The following LRRC37A2 variants were observed in gnomAD, a reference collection of about 807,000 sequenced individuals.
LRRC37A2 encodes leucine rich repeat containing 37 member A2.
Under a neutral mutation model 68.8 loss-of-function variants are expected in LRRC37A2, and 9 were observed. The observed-to-expected ratio is 0.13, with a 90% CI of 0.08 to 0.23. LRRC37A2 has a LOEUF of 0.23. LRRC37A2 is among the 10% of genes least tolerant of loss of function. The pLI, the probability that LRRC37A2 is intolerant of heterozygous loss-of-function variation, is 1.00. For missense variants in LRRC37A2, 168 were observed against 950.4 expected, an observed-to-expected ratio of 0.18 and a Z score of 10.82; for synonymous variants, 63 against 367.6, an observed-to-expected ratio of 0.17 and a Z score of 9.48.
chr17:46,992,216 A>AAATAAATAAATAAATAAATAAATAAATT, the LRRC37A2 span, among the ~76,000 whole-genome samples: 1 of 151,718 alleles, frequency 6.6e-6, no homozygotes, highest in Non-Finnish European at 1.5e-5. Flanking sequence ...ATAAATAAAT[A>AAATAAATAAATAAATAAATAAATAAATT]AATTAGCCAG....
the LRRC37A2 span, among the ~76,000 whole-genome samples, chr17:46,786,447 T>C: frequency 6.6e-6 from 1 of 152,130 alleles, no homozygotes; most frequent in Admixed American, 6.5e-5. Context: ...CAGAGGGGTG[T>C]CCAGAGACGG....
At chr17:46,792,966 G>C in the LRRC37A2 span, among the ~76,000 whole-genome samples, 1 of 151,916 alleles carries the variant, frequency 6.6e-6, no homozygotes, top group Non-Finnish European at 1.5e-5. Flanking sequence ...CACTGAGATG[G>C]CAAAAAAAGC....
the LRRC37A2 span, among the ~76,000 whole-genome samples, chr17:46,962,102 C>T: frequency 6.6e-5 from 10 of 152,194 alleles, no homozygotes. Flanking sequence ...CCGAGGCGGG[C>T]AGATCATGAA....
the LRRC37A2 span, among the ~76,000 whole-genome samples, chr17:46,976,343 G>A: frequency 6.6e-6 from 1 of 150,872 alleles, no homozygotes; most frequent in Non-Finnish European, 1.5e-5. Context: ...CACCAGCCTG[G>A]CCAACATGGT....
At chr17:46,442,158 G>C in the LRRC37A2 span, among the ~76,000 whole-genome samples, 1 of 81,912 alleles carries the variant, frequency 1.2e-5, no homozygotes. Flanking sequence ...CAGACAACAA[G>C]CCTTGCTAAA....
chr17:46,865,417 G>A, the LRRC37A2 span, among the ~76,000 whole-genome samples: 87 of 152,260 alleles, frequency 5.7e-4, no homozygotes, highest in African/African-American at 2.0e-3. Flanking sequence ...AGGGATGGGT[G>A]GGGGACGAGG....
the LRRC37A2 span, among the ~76,000 whole-genome samples, chr17:46,960,901 A>AT: frequency 3.2e-4 from 49 of 152,214 alleles, no homozygotes; most frequent in African/African-American, 1.2e-3. Flanking sequence ...GAGTATCTCG[A>AT]TTGTGTTCAT....
the LRRC37A2 span, among the ~76,000 whole-genome samples, chr17:46,386,153 C>T: frequency 8.3e-6 from 1 of 119,814 alleles, no homozygotes; most frequent in African/African-American, 2.8e-5. Flanking sequence ...GGCCGGAGTG[C>T]AGTAGTGTGA....
At chr17:46,486,963 G>A in the LRRC37A2 span, 4 of 568,514 alleles carry the variant, frequency 7.0e-6, no homozygotes, top group Non-Finnish European at 1.0e-5. Flanking sequence ...AAATCCTCAA[G>A]AGTTACGTTC....
the LRRC37A2 span, chr17:46,978,518 G>T: frequency 4.2e-6 from 5 of 1,184,642 alleles, no homozygotes; most frequent in Admixed American, 3.1e-5. Flanking sequence ...CCGCGTCCCC[G>T]CCCGGGCGCC....
chr17:46,759,077 G>T, the LRRC37A2 span, among the ~76,000 whole-genome samples: 170 of 152,274 alleles, frequency 1.1e-3, no homozygotes, highest in Middle Eastern at 6.8e-3. Flanking sequence ...GGTGGCACAT[G>T]CCTGTAATCT....
chr17:46,655,877 A>G, the LRRC37A2 span, among the ~76,000 whole-genome samples: 1 of 91,564 alleles, frequency 1.1e-5, no homozygotes, highest in Non-Finnish European at 2.0e-5. Context: ...AAAAGATCGA[A>G]CCCTTTTTTT....
At chr17:46,828,310 C>T in the LRRC37A2 span, among the ~76,000 whole-genome samples, 2 of 152,072 alleles carry the variant, frequency 1.3e-5, no homozygotes, top group Admixed American at 1.3e-4. Context: ...GATCCTCTCA[C>T]CTCAGCTTCC....
At chr17:46,816,119 A>ACACACGCACG in the LRRC37A2 span, among the ~76,000 whole-genome samples, 19,815 of 150,598 alleles carry the variant, frequency 0.13, 1,393 homozygotes, top group African/African-American at 0.15. Context: ...ACGTACACAC[A>ACACACGCACG]CACACACACA....
At chr17:46,944,789 G>A in the LRRC37A2 span, among the ~76,000 whole-genome samples, 1 of 151,940 alleles carries the variant, frequency 6.6e-6, no homozygotes, top group African/African-American at 2.4e-5. Flanking sequence ...TAGTAGAAAC[G>A]GGGTTTCTCC....
the LRRC37A2 span, among the ~76,000 whole-genome samples, chr17:46,733,167 C>T: frequency 1.3e-5 from 2 of 152,130 alleles, no homozygotes; most frequent in African/African-American, 4.8e-5. Flanking sequence ...CACTGGGGCT[C>T]TTTTCAAGTT....
At chr17:46,918,642 C>T in the LRRC37A2 span, among the ~76,000 whole-genome samples, 1 of 149,064 alleles carries the variant, frequency 6.7e-6, no homozygotes, top group Non-Finnish European at 1.5e-5. Context: ...CACACACATA[C>T]AATTTCCCAG....
chr17:46,490,646 C>G, the LRRC37A2 span, among the ~76,000 whole-genome samples: 1 of 149,316 alleles, frequency 6.7e-6, no homozygotes, highest in Admixed American at 6.6e-5. Flanking sequence ...ATCGCTTAAA[C>G]TCAGGAGGCG....
chr17:46,927,634 C>T, the LRRC37A2 span, among the ~76,000 whole-genome samples: 1 of 152,122 alleles, frequency 6.6e-6, no homozygotes, highest in Non-Finnish European at 1.5e-5. Context: ...ATTGTAGTCC[C>T]TTCTTTCAAA....
Sources: gnomAD v4.1 joint callset for allele counts (sites outside exome capture counted in the v4.1 genomes callset) on GRCh38, gnomAD v4.1.1 for gene constraint, MANE v1.5 for transcripts, NCBI Gene and HGNC (gene_info 2026-07-23, HGNC 2026-07-21) for gene names.